NME4: variants seen among roughly 807,000 people sequenced by gnomAD.
NME4 encodes NME/NM23 nucleoside diphosphate kinase 4, also known as nucleoside diphosphate kinase D, mitochondrial.
NME4 carries 21 observed loss-of-function variants against 16.4 expected under a neutral mutation model. The ratio of observed to expected loss-of-function variants is 1.28; its 90% confidence interval spans 0.91 to 1.84. NME4 has a LOEUF of 1.84. NME4 is among the 40% of genes most tolerant of loss of function. NME4 has a pLI of 0.00. For missense variants in NME4, 316 were observed against 261.3 expected, an observed-to-expected ratio of 1.21 and a Z score of -1.44; for synonymous variants, 132 against 107.5, an observed-to-expected ratio of 1.23 and a Z score of -1.41.
chr16:399,337 C>T (rs756729414), intron 2 of NME4, 42 bp from the exon 3 acceptor site: 7 of 1,583,860 alleles, frequency 4.4e-6, no homozygotes, highest in Admixed American at 1.7e-5. Flanking sequence ...CTAGTGCCCA[C>T]GTTTACTGTC....
At chr16:399,811 C>T in intron 4 of NME4, 72 bp downstream of exon 4, 2 of 1,262,072 alleles carry the variant, frequency 1.6e-6, no homozygotes, top group Non-Finnish European at 2.3e-6. Context: ...GTGGCAGATC[C>T]ACGAGACCTG....
rs113276552 is a variant in NME4 at position 400,362 on chromosome 16, A to G, written c.*20A>G. On this transcript the variant is annotated 3_prime_UTR_variant, in exon 5 of 5. Transcript: ENST00000219479. ...GCCTGAGGCTCAAGCTGCCCTTACC[A>G]CCCCATCCCCCACGCAGGACCAACT... 5,536 of 1,590,158 alleles carry G rather than the reference A, an allele frequency of 3.5e-3. 170 individuals are homozygous for G. In the African/African-American group the frequency reaches 0.064, roughly 19 times the overall value.
intron 4 of NME4, 104 bp from the exon 5 acceptor site, chr16:400,115 G>A (rs79334115): frequency 6.6e-7 from 1 of 1,510,606 alleles, no homozygotes; most frequent in Non-Finnish European, 9.2e-7. Context: ...GCAGTCACAG[G>A]CTTGCTCCCC....
intron 1 of NME4, 84 bp from the exon 2 acceptor site, chr16:398,905 AC>A: frequency 1.9e-6 from 3 of 1,564,346 alleles, no homozygotes. Context: ...AAGCCTGGTG[AC>A]CCCTGGGCTC....
chr16:399,485 G>A lies in NME4; in HGVS notation c.327+5G>A, dbSNP rs750471162. ...TCTGGGCCTGTGGTGGCCATGGTAC[G>A]GCAGGGCAGGGGTGGTGGAAGGGCC... On this transcript the variant is annotated splice_donor_5th_base_variant and intron_variant, in intron 3 of 4. Coordinates refer to ENST00000219479, the MANE Select transcript of NME4 (RefSeq NM_005009.3). 19 of 1,611,962 alleles carry A rather than the reference G, an allele frequency of 1.2e-5. No individual in the cohort carries two copies. The highest frequency in any genetic ancestry group is 2.2e-5 in the South Asian group (2 of 91,056).
Position 397,269 on chromosome 16 carries a change from G to T in NME4, c.47G>T (p.Gly16Val). 3 of 1,052,932 alleles carry T rather than the reference G, an allele frequency of 2.8e-6. No individual in the cohort carries two copies. The highest frequency in any genetic ancestry group is 2.3e-6 in the Non-Finnish European group (2 of 875,940). The allele number at this position is 1,052,932 out of a possible 1,614,324, so 65.2% of individuals were successfully genotyped here. Reference sequence around the variant, plus strand: ...TCCGCGCTGCGGGGGCTGCGCTGCGGCCCGCGGGCCCCGGGCCCGAGCCTG... The same window carrying T: ...TCCGCGCTGCGGGGGCTGCGCTGCGTCCCGCGGGCCCCGGGCCCGAGCCTG... The part of the protein sequence containing the change: ...WRSALRGLRC[G>V]PRAPGPSLLV... Residue 16 changes from glycine to valine, a missense_variant, in exon 1 of 5, where the codon GGC becomes GTC. Physicochemically the swap from Gly to Val is moderately radical, Grantham distance 109. Transcript: ENST00000219479.
chr16:398,346 C>T (rs1158738334), intron 1 of NME4: 22 of 1,288,018 alleles, frequency 1.7e-5, no homozygotes, highest in Non-Finnish European at 2.2e-5. Context: ...CCTCTTCAAT[C>T]TTCAGGCCCC....
rs965874062 is a variant in NME4, at chr16:398,840, TGTGGGC to T, written c.92-149_92-144del. ...GGACTATCATGGGGGTGTTTGTGGC[TGTGGGC>T]ACCATCCCTGTCCCTTCCAGAGTGC... On this transcript the variant is annotated intron_variant, in intron 1 of 4. Transcript: ENST00000219479. 5 of 1,029,658 alleles carry T rather than the reference TGTGGGC, an allele frequency of 4.9e-6. No homozygotes were observed. The African/African-American group carries it at 6.4e-5, about 13-fold the overall frequency. 63.8% of individuals were successfully genotyped at this position (1,029,658 alleles called of 1,614,324 possible).
At chr16:397,896 C>G in intron 1 of NME4, 1 of 1,554,502 alleles carries the variant, frequency 6.4e-7, no homozygotes, top group East Asian at 2.4e-5. Context: ...TCCATCGGCT[C>G]TGAAAAGTGA....
chr16:399,239 G>C (rs546432992), intron 2 of NME4, 116 bp downstream of exon 2: 2 of 1,470,260 alleles, frequency 1.4e-6, no homozygotes, highest in South Asian at 2.3e-5. Flanking sequence ...AGTTGAAGGG[G>C]CAGGAGGGAT....
At chr16:397,772 A>T in intron 1 of NME4, 1 of 1,169,762 alleles carries the variant, frequency 8.5e-7, no homozygotes, top group Non-Finnish European at 1.1e-6. Context: ...CGTTCGCTGA[A>T]GGCCAAGTTA....
At chr16:399,239 G>A in intron 2 of NME4, 116 bp downstream of exon 2, 1 of 1,470,260 alleles carries the variant, frequency 6.8e-7, no homozygotes. Flanking sequence ...AGTTGAAGGG[G>A]CAGGAGGGAT....
At chr16:398,209 G>A (rs1045038478) in intron 1 of NME4, 5 of 1,464,080 alleles carry the variant, frequency 3.4e-6, no homozygotes, top group African/African-American at 1.4e-5. Flanking sequence ...CCCTGGCAGC[G>A]TCCCCTCCAG....
chr16:399,685 C>T lies in NME4; in HGVS notation c.386C>T (p.Ser129Leu), dbSNP rs138576795. ...ASRAMIGHTDSAEAAPGTIRG... is the reference protein window; with the variant it reads ...ASRAMIGHTDLAEAAPGTIRG... ...AGGGCCATGATTGGACACACCGACT[C>T]GGCTGAGGCTGCCCCAGGAACCATA... Residue 129 changes from serine (S) to leucine (L), a missense_variant, in exon 4 of 5, where the codon TCG becomes TTG. Physicochemically the swap from Ser to Leu is moderately radical, Grantham distance 145. Coordinates refer to ENST00000219479, the MANE Select transcript of NME4 (RefSeq NM_005009.3). The T allele has an allele frequency of 4.2e-5, 68 of 1,612,988 alleles. No homozygotes were observed. The highest frequency in any genetic ancestry group is 4.4e-5 in the South Asian group (4 of 91,088).
rs140365551 is a variant in NME4, at chr16:398,282, C to T, written c.92-708C>T. ...GGTCTGGAAGCGACAGGCCTTGAAACTCCACAGCAGCACAGGCCCCGTCTC... is the reference window on the plus strand; with the variant it reads ...GGTCTGGAAGCGACAGGCCTTGAAATTCCACAGCAGCACAGGCCCCGTCTC... On this transcript the variant is annotated intron_variant, in intron 1 of 4. Coordinates refer to ENST00000219479, the MANE Select transcript of NME4 (RefSeq NM_005009.3). The T allele has an allele frequency of 8.5e-5, 117 of 1,369,968 alleles. 1 individual carries two copies. In the East Asian group the frequency reaches 4.8e-3, roughly 56 times the overall value. 84.9% of individuals were successfully genotyped at this position (1,369,968 alleles called of 1,614,324 possible).
rs1269532859 is a variant in NME4, at chr16:397,210, C to G, written c.-13C>G. 2 of 1,004,600 alleles carry G rather than the reference C, an allele frequency of 2.0e-6. No individual in the cohort carries two copies. Among genetic ancestry groups the G allele is most frequent in the Non-Finnish European group, 2.4e-6 (2 of 842,876 alleles). 62.2% of individuals were successfully genotyped at this position (1,004,600 alleles called of 1,614,324 possible). A position where few individuals can be genotyped will look rare whatever the true frequency, so the allele number is the denominator to read the frequency against. ...CGCTCCTCGCGCTCACAGCGGCCCG[C>G]GGGCCGGGCGTCATGGGCGGCCTCT... On this transcript the variant is annotated 5_prime_UTR_variant, in exon 1 of 5. Coordinates refer to ENST00000219479, the MANE Select transcript of NME4 (RefSeq NM_005009.3).
At chr16:398,496 C>A (rs1597184412) in intron 1 of NME4, 1 of 927,006 alleles carries the variant, frequency 1.1e-6, no homozygotes, top group Non-Finnish European at 1.4e-6. Context: ...CCATGTCTGT[C>A]GTCATCCAGA....
chr16:400,308 A>ATG lies in NME4; in HGVS notation c.530_531insTG (p.Gly178AlafsTer99), dbSNP rs771907070. 6.2e-7 allele frequency: 1 copy of ATG among 1,607,024 alleles called. No homozygotes were observed. The highest frequency in any genetic ancestry group is 1.1e-5 in the South Asian group (1 of 90,792). ...AGCAGTGAGCTGGTGAGCTGGGCAG[A>ATG]CGGGGGCCAGCACAGCAGCATCCAC... On this transcript the variant is annotated frameshift_variant, in exon 5 of 5. Transcript: ENST00000219479. LOFTEE classifies it high-confidence loss of function.
rs529841453 is a variant in NME4 at position 397,992 on chromosome 16, C to G, written c.91+679C>G. On this transcript the variant is annotated intron_variant, in intron 1 of 4. Coordinates refer to ENST00000219479, the MANE Select transcript of NME4 (RefSeq NM_005009.3). Reference sequence around the variant, plus strand: ...GCAAACTGGGTTTTGGGGGAACAAACCAACCAGGGGGTCTTCCTCCCGTGG... The same window carrying G: ...GCAAACTGGGTTTTGGGGGAACAAAGCAACCAGGGGGTCTTCCTCCCGTGG... The G allele has an allele frequency of 1.3e-5, 20 of 1,542,758 alleles. No individual in the cohort carries two copies. The East Asian group carries it at 4.4e-4, about 34-fold the overall frequency.
Sources: allele counts gnomAD v4.1 joint callset, GRCh38; gene constraint gnomAD v4.1.1; transcripts MANE v1.5; gene names NCBI Gene and HGNC (gene_info 2026-07-23, HGNC 2026-07-21).